The following ADK variants were observed in gnomAD, a reference collection of about 807,000 sequenced individuals.
ADK encodes adenosine kinase.
A neutral mutation model predicts 44.7 loss-of-function variants in ADK; 24 were observed. That is an observed-to-expected ratio of 0.54 (90% CI 0.39 to 0.76). ADK has a LOEUF of 0.76. Among genes scored for constraint, ADK ranks in the 30% least tolerant of loss-of-function variants. The pLI, the probability that ADK is intolerant of heterozygous loss-of-function variation, is 0.00. For synonymous variants in ADK, 128 were observed against 142.6 expected (o/e 0.90, Z 0.73); for missense variants, 321 against 425.1 (o/e 0.76, Z 2.15).
intron 9 of ADK, 31 bp from the exon 10 acceptor site, chr10:74,670,152 T>C (rs1209518951): frequency 5.8e-6 from 9 of 1,555,252 alleles, no homozygotes; most frequent in African/African-American, 2.7e-5. Flanking sequence ...CAAAGAGAAG[T>C]CATTCTGCCT....
At chr10:74,224,699 T>G (rs1405346973) in intron 3 of ADK, 108 bp downstream of exon 3, 22 of 864,346 alleles carry the variant, frequency 2.5e-5, no homozygotes, top group Middle Eastern at 3.3e-4. Flanking sequence ...CAAAGTATAA[T>G]TAACACTATG....
In ADK at chr10:74,221,133, C is replaced by G. The variant is rs1448534525; in HGVS notation, c.141-3405C>G. ...TATCTAGAAAACCCCATTGTCTCAG[C>G]CCAAAATCTCCTTAAGCTGATAAGC... On this transcript the variant is annotated intron_variant, in intron 2 of 10. Coordinates refer to ENST00000539909, the MANE Select transcript of ADK (RefSeq NM_006721.4). Among the ~76,000 whole-genome samples, 192 of 150,046 alleles carry G rather than the reference C, an allele frequency of 1.3e-3. 1 individual carries two copies. Among genetic ancestry groups the G allele is most frequent in the African/African-American group, 4.4e-3 (180 of 40,512 alleles).
intron 7 of ADK, among the ~76,000 whole-genome samples, chr10:74,577,609 G>C (rs370512460): frequency 4.6e-5 from 7 of 151,622 alleles, no homozygotes; most frequent in African/African-American, 1.7e-4. Context: ...AGTAGATGCT[G>C]CTCTGTTTTT....
chr10:74,347,525 T>G (rs2131893693), intron 4 of ADK, among the ~76,000 whole-genome samples: 1 of 152,118 alleles, frequency 6.6e-6, no homozygotes, highest in East Asian at 1.9e-4. Context: ...TTGCAGGAGT[T>G]TTTTTTCGTA....
intron 7 of ADK, among the ~76,000 whole-genome samples, chr10:74,562,012 C>T (rs376419953): frequency 1.1e-4 from 17 of 152,308 alleles, no homozygotes; most frequent in Admixed American, 9.8e-4. Context: ...CTCTTGAGCA[C>T]GTATACAACC....
chr10:74,414,516 A>G (rs10400203), intron 6 of ADK, among the ~76,000 whole-genome samples: 2,928 of 152,170 alleles, frequency 0.019, 96 homozygotes, highest in African/African-American at 0.067. Context: ...TGGGCAGATC[A>G]CTTGAGGTCA....
chr10:74,368,374 A>G (rs186002370), intron 4 of ADK, among the ~76,000 whole-genome samples: 165 of 151,500 alleles, frequency 1.1e-3, no homozygotes, highest in African/African-American at 3.9e-3. Context: ...CCCACAAAGT[A>G]CTGAGATTAG....
chr10:74,294,064 C>G (rs1839725395), intron 3 of ADK, among the ~76,000 whole-genome samples: 1 of 152,158 alleles, frequency 6.6e-6, no homozygotes, highest in Admixed American at 6.5e-5. Flanking sequence ...TTTGGCTCAT[C>G]ATTATAAGCT....
chr10:74,505,794 A>G (rs1848050367), intron 6 of ADK, among the ~76,000 whole-genome samples: 1 of 152,136 alleles, frequency 6.6e-6, no homozygotes, highest in Admixed American at 6.5e-5. Context: ...ATGATCTTTA[A>G]AGGTCCTTAT....
At chr10:74,442,023 C>A (rs551786483) in intron 6 of ADK, among the ~76,000 whole-genome samples, 130 of 151,946 alleles carry the variant, frequency 8.6e-4, no homozygotes, top group Non-Finnish European at 1.6e-3. Flanking sequence ...GGTGGTGGTG[C>A]GTACCTATAG....
intron 9 of ADK, among the ~76,000 whole-genome samples, chr10:74,651,317 A>G (rs1316337403): frequency 2.6e-5 from 4 of 152,198 alleles, no homozygotes; most frequent in Admixed American, 6.5e-5. Context: ...AAACATAGGA[A>G]GAATGTTTCC....
intron 9 of ADK, among the ~76,000 whole-genome samples, chr10:74,634,276 G>A (rs1297391657): frequency 1.3e-5 from 2 of 151,846 alleles, no homozygotes; most frequent in South Asian, 2.1e-4. Flanking sequence ...GTGCAGTGGC[G>A]CGATCTCGGC....
chr10:74,287,432 C>T (rs984283935), intron 3 of ADK, among the ~76,000 whole-genome samples: 4 of 151,438 alleles, frequency 2.6e-5, no homozygotes, highest in African/African-American at 9.7e-5. Context: ...CCACTGCACT[C>T]CAGCCTGGGT....
chr10:74,421,582 C>T (rs1267424035), intron 6 of ADK, among the ~76,000 whole-genome samples: 2 of 152,038 alleles, frequency 1.3e-5, no homozygotes, highest in Non-Finnish European at 2.9e-5. Flanking sequence ...CAGTGATATC[C>T]CAGTAGCCAC....
At chr10:74,202,187 T>C (rs1843422462) in intron 2 of ADK, among the ~76,000 whole-genome samples, 2 of 152,312 alleles carry the variant, frequency 1.3e-5, no homozygotes, top group Middle Eastern at 6.8e-3. Context: ...TGGAATCATA[T>C]AATAATATAT....
chr10:74,576,669 G>T (rs1851194086), intron 7 of ADK, among the ~76,000 whole-genome samples: 1 of 152,110 alleles, frequency 6.6e-6, no homozygotes, highest in Non-Finnish European at 1.5e-5. Context: ...TCAGATGGCT[G>T]TTAACAAAAA....
intron 3 of ADK, among the ~76,000 whole-genome samples, chr10:74,269,439 A>G (rs1259582396): frequency 6.6e-6 from 1 of 152,230 alleles, no homozygotes; most frequent in African/African-American, 2.4e-5. Context: ...GTATCAGTGT[A>G]ACATATAAAG....
intron 3 of ADK, among the ~76,000 whole-genome samples, chr10:74,260,727 T>G (rs1415309100): frequency 6.6e-6 from 1 of 152,240 alleles, no homozygotes; most frequent in East Asian, 1.9e-4. Context: ...TTATGTTTTG[T>G]TAACTGTGTT....
intron 1 of ADK, among the ~76,000 whole-genome samples, chr10:74,199,749 G>A (rs1843307417): frequency 6.6e-6 from 1 of 151,868 alleles, no homozygotes; most frequent in Non-Finnish European, 1.5e-5. Context: ...GCACGATCTC[G>A]ACTCACTGCA....
Sources: allele counts gnomAD v4.1 joint callset (sites outside exome capture counted in the v4.1 genomes callset), GRCh38; gene constraint gnomAD v4.1.1; transcripts MANE v1.5; gene names NCBI Gene and HGNC (gene_info 2026-07-23, HGNC 2026-07-21).